The following ADAMDEC1 variants were observed in gnomAD, a reference collection of about 807,000 sequenced individuals.
The protein encoded by ADAMDEC1 is ADAM DEC1.
Under a neutral mutation model 60.4 loss-of-function variants are expected in ADAMDEC1, and 62 were observed. The observed-to-expected ratio is 1.03, with a 90% CI of 0.84 to 1.27. The LOEUF is 1.27. Ranked by LOEUF, ADAMDEC1 falls within the 50% of genes most tolerant of loss-of-function variation. The pLI, the probability that ADAMDEC1 is intolerant of heterozygous loss-of-function variation, is 0.00. For missense variants in ADAMDEC1, 595 were observed against 565.0 expected (o/e 1.05, Z -0.54); for synonymous variants, 210 against 195.1 (o/e 1.08, Z -0.64).
At chr8:24,403,222 T>G (rs140363879) in intron 12 of ADAMDEC1, among the ~76,000 whole-genome samples, 1 of 152,266 alleles carries the variant, frequency 6.6e-6, no homozygotes, top group East Asian at 1.9e-4. Flanking sequence ...AGTTCAGGCT[T>G]AGGAACAACT....
intron 13 of ADAMDEC1, 67 bp downstream of exon 13, chr8:24,404,155 T>C (rs1817833742): frequency 2.3e-5 from 32 of 1,399,036 alleles, no homozygotes; most frequent in Non-Finnish European, 3.0e-5. Context: ...GAGAAAAATA[T>C]GCCACTGGGT....
chr8:24,391,501 C>A (rs1322491133), intron 1 of ADAMDEC1, among the ~76,000 whole-genome samples: 1 of 152,076 alleles, frequency 6.6e-6, no homozygotes, highest in Admixed American at 6.6e-5. Context: ...TCTTTTGGCT[C>A]CAAGATAATT....
intron 13 of ADAMDEC1, among the ~76,000 whole-genome samples, chr8:24,404,801 T>G (rs143428432): frequency 1.9e-3 from 293 of 152,296 alleles, no homozygotes; most frequent in African/African-American, 6.5e-3. Context: ...TCAATTATCA[T>G]TTCATAGGGA....
At chr8:24,402,244 C>A in intron 12 of ADAMDEC1, 152 bp downstream of exon 12, 1 of 666,562 alleles carries the variant, frequency 1.5e-6, no homozygotes, top group Non-Finnish European at 2.4e-6. Flanking sequence ...ATTTAGTAAT[C>A]CTTTGAAAGG....
chr8:24,397,816 A>G (rs1480055207), intron 7 of ADAMDEC1, 71 bp downstream of exon 7: 4 of 1,439,730 alleles, frequency 2.8e-6, no homozygotes, highest in Non-Finnish European at 3.9e-6. Context: ...AGCAAAAGCA[A>G]GCAATAAACT....
At chr8:24,388,149 C>T (rs903375555) in intron 1 of ADAMDEC1, among the ~76,000 whole-genome samples, 4 of 152,144 alleles carry the variant, frequency 2.6e-5, no homozygotes, top group African/African-American at 9.7e-5. Context: ...ACTTCTTGCC[C>T]TCTGCCTCAG....
intron 10 of ADAMDEC1, among the ~76,000 whole-genome samples, 185 bp downstream of exon 10, chr8:24,399,659 C>A (rs1817711566): frequency 6.6e-6 from 1 of 152,202 alleles, no homozygotes; most frequent in African/African-American, 2.4e-5. Flanking sequence ...TTCCTTACAT[C>A]AGCCTTGCTA....
intron 8 of ADAMDEC1, 47 bp from the exon 9 acceptor site, chr8:24,398,827 G>A (rs374680966): frequency 2.5e-6 from 4 of 1,584,372 alleles, no homozygotes; most frequent in Non-Finnish European, 3.4e-6. Context: ...TCTCAGACAC[G>A]AAAGGAATCC....
rs1293892706 is a variant in ADAMDEC1 at position 24,392,359 on chromosome 8, G to C, written c.186G>C (p.Gln62His). The C allele has an allele frequency of 6.2e-7, 1 of 1,610,618 alleles. No individual in the cohort carries two copies. Among genetic ancestry groups the C allele is most frequent in the African/African-American group, 1.3e-5 (1 of 74,730 alleles). ...ILHKREIKNN[Q>H]TEKHGKEERY... is the part of the protein sequence containing the mutation. ...ACAAAAGAGAGATCAAGAACAACCA[G>C]ACAGAAAAGCATGGCAAAGAGGTAA... The change falls in exon 2 of 14, where the codon CAG becomes CAC. Residue 62 changes from glutamine to histidine, a missense_variant. Physicochemically the swap from Gln to His is conservative, Grantham distance 24. Transcript: ENST00000256412.
intron 10 of ADAMDEC1, 142 bp downstream of exon 10, chr8:24,399,616 A>C (rs764911490): frequency 6.7e-6 from 5 of 748,748 alleles, no homozygotes; most frequent in Non-Finnish European, 1.2e-5. Flanking sequence ...AGGTCATTGC[A>C]CTGAAGATCC....
intron 1 of ADAMDEC1, among the ~76,000 whole-genome samples, chr8:24,386,258 A>G (rs762246846): frequency 2.6e-5 from 4 of 152,168 alleles, no homozygotes; most frequent in Non-Finnish European, 5.9e-5. Context: ...TAATGTTCTT[A>G]TGTTTACCCA....
At chr8:24,391,367 G>T (rs1372973314) in intron 1 of ADAMDEC1, among the ~76,000 whole-genome samples, 2 of 152,014 alleles carry the variant, frequency 1.3e-5, no homozygotes, top group Non-Finnish European at 2.9e-5. Flanking sequence ...TCCTAATAGG[G>T]TACTAAATAA....
intron 12 of ADAMDEC1, among the ~76,000 whole-genome samples, chr8:24,403,115 T>A (rs955803597): frequency 1.3e-5 from 2 of 152,124 alleles, no homozygotes; most frequent in African/African-American, 4.8e-5. Context: ...GTATACACAA[T>A]ATGTAACATC....
chr8:24,404,156 G>T, intron 13 of ADAMDEC1, 68 bp downstream of exon 13: 1 of 1,403,582 alleles, frequency 7.1e-7, no homozygotes, highest in Non-Finnish European at 1.0e-6. Flanking sequence ...AGAAAAATAT[G>T]CCACTGGGTT....
chr8:24,389,677 C>A (rs1052941901), intron 1 of ADAMDEC1, among the ~76,000 whole-genome samples: 1 of 152,138 alleles, frequency 6.6e-6, no homozygotes, highest in Admixed American at 6.6e-5. Flanking sequence ...TTTCCATAAC[C>A]AACCTACTTG....
chr8:24,393,174 T>C (rs1817494168), intron 2 of ADAMDEC1, 88 bp from the exon 3 acceptor site: 2 of 763,644 alleles, frequency 2.6e-6, no homozygotes, highest in Admixed American at 6.2e-5. Flanking sequence ...TATGCATTTG[T>C]AATTGTTCTT....
chr8:24,405,192 C>A, intron 13 of ADAMDEC1, 100 bp from the exon 14 acceptor site: 2 of 1,196,134 alleles, frequency 1.7e-6, no homozygotes, highest in South Asian at 1.4e-5. Context: ...AATTGTTATT[C>A]ACATAATTTA....
chr8:24,398,933 G>T lies in ADAMDEC1; in HGVS notation c.822G>T (p.Gly274=). Reference sequence around the variant, plus strand: ...TAGGTATGGAAATCTGGTCTGATGGGGATAAGATAAAGGTGGTGCCCAGCG... The same window carrying T: ...TAGGTATGGAAATCTGGTCTGATGGTGATAAGATAAAGGTGGTGCCCAGCG... The part of the protein sequence containing the change: ...ALVGMEIWSD[G]DKIKVVPSAS... Residue 274 remains glycine, a synonymous_variant, in exon 9 of 14, where the codon GGG becomes GGT. Transcript: ENST00000256412. The T allele has an allele frequency of 7.4e-6, 12 of 1,613,850 alleles. No individual in the cohort carries two copies. Among genetic ancestry groups the T allele is most frequent in the Non-Finnish European group, 9.3e-6 (11 of 1,179,890 alleles).
chr8:24,390,209 A>G (rs955936526), intron 1 of ADAMDEC1: 20 of 1,145,006 alleles, frequency 1.7e-5, no homozygotes, highest in Admixed American at 2.4e-5. Context: ...TAAAAGAAAT[A>G]TCAGAGAAGG....
Sources: allele counts gnomAD v4.1 joint callset (sites outside exome capture counted in the v4.1 genomes callset), GRCh38; gene constraint gnomAD v4.1.1; transcripts MANE v1.5; gene names NCBI Gene and HGNC (gene_info 2026-07-23, HGNC 2026-07-21).